The following GREB1 variants were observed in gnomAD, a reference collection of about 807,000 sequenced individuals.
GREB1 encodes protein GREB1.
In GREB1, 106 loss-of-function variants were observed where a neutral mutation model predicts 200.7. That is an observed-to-expected ratio of 0.53 (90% CI 0.45 to 0.62). GREB1 has a LOEUF of 0.62. GREB1 is among the 20% of genes least tolerant of loss of function. The pLI, the probability that GREB1 is intolerant of heterozygous loss-of-function variation, is 0.00. For synonymous variants in GREB1, 1,132 were observed against 1,092.4 expected (o/e 1.04, Z -0.72); for missense variants, 2,243 against 2,556.8 (o/e 0.88, Z 2.65).
In GREB1 at chr2:11,593,062, C is replaced by T. The variant is rs745605781; in HGVS notation, c.1632C>T (p.Thr544=). Residue 544 remains threonine (T), a synonymous_variant, in exon 11 of 33, where the codon ACC becomes ACT. Coordinates refer to ENST00000381486, the MANE Select transcript of GREB1 (RefSeq NM_014668.4). ...RLLVEGKLAK[T]NYVVIICACR... ...TGGTCGAGGGCAAGCTTGCCAAGACCAACTACGTGGTCATCATCTGCGCCT... is the reference window on the plus strand; with the variant it reads ...TGGTCGAGGGCAAGCTTGCCAAGACTAACTACGTGGTCATCATCTGCGCCT... 3 of 1,612,706 alleles carry T rather than the reference C, an allele frequency of 1.9e-6. No homozygotes were observed. In the Admixed American group the frequency reaches 5.0e-5, roughly 27 times the overall value.
At position 11,634,192 on chromosome 2, in the gene GREB1, G is replaced by GCC; in HGVS notation, c.5057_5058dup (p.Asp1687ProfsTer38). 9.9e-6 allele frequency: 16 copies of GCC among 1,614,216 alleles called. No homozygotes were observed. Among genetic ancestry groups the GCC allele is most frequent in the Non-Finnish European group, 1.4e-5 (16 of 1,180,018 alleles). ...GCACATCATGCAGCACATCGAGGCG[G>GCC]CCCCCGACATCATGCACTACGCCCT... On this transcript the variant is annotated frameshift_variant, in exon 29 of 33. Transcript: ENST00000381486. LOFTEE classifies it high-confidence loss of function.
chr2:11,547,482 C>T (rs974289878), intron 1 of GREB1, among the ~76,000 whole-genome samples: 1 of 152,178 alleles, frequency 6.6e-6, no homozygotes, highest in Non-Finnish European at 1.5e-5. Flanking sequence ...TATTGGTCTG[C>T]AGTCTACCAT....
chr2:11,506,215 A>G (rs1295525471), intron 1 of GREB1, among the ~76,000 whole-genome samples: 1 of 150,982 alleles, frequency 6.6e-6, no homozygotes, highest in Non-Finnish European at 1.5e-5. Flanking sequence ...AAATCATCTC[A>G]TGTGTTCTTG....
intron 1 of GREB1, among the ~76,000 whole-genome samples, chr2:11,486,510 A>AAT (rs376208759): frequency 2.7e-4 from 41 of 152,130 alleles, no homozygotes; most frequent in Non-Finnish European, 5.4e-4. Context: ...TCATAGAAGT[A>AAT]ATATATATTT....
chr2:11,538,746 TCTTTC>T (rs1396902359), intron 1 of GREB1, among the ~76,000 whole-genome samples: 2 of 94,966 alleles, frequency 2.1e-5, no homozygotes, highest in Non-Finnish European at 4.3e-5. Context: ...TTCCCTTCCT[TCTTTC>T]CTTCCTTTCT....
At chr2:11,512,786 AC>A (rs1673388203) in intron 1 of GREB1, among the ~76,000 whole-genome samples, 1 of 152,190 alleles carries the variant, frequency 6.6e-6, no homozygotes, top group Admixed American at 6.5e-5. Flanking sequence ...GTGCTCAGTG[AC>A]CCTTGTGGGA....
chr2:11,559,547 G>A (rs1338200848), intron 2 of GREB1, among the ~76,000 whole-genome samples: 2 of 152,208 alleles, frequency 1.3e-5, no homozygotes, highest in Non-Finnish European at 2.9e-5. Context: ...GGCTGCGACG[G>A]TGCGGGCCTT....
Position 11,602,450 on chromosome 2 carries a change from G to A in GREB1, c.2574G>A (p.Ser858=), listed in dbSNP as rs373376450. Residue 858 remains serine, a synonymous_variant, in exon 17 of 33, where the codon TCG becomes TCA. Transcript: ENST00000381486. ...AAAATAAGAAGTACTTCGGGCTGTC[G>A]GAGTTTATTGAATCCACCCTTTCAG... ...YHENKKYFGL[S]EFIESTLSGH... 7.4e-6 allele frequency: 12 copies of A among 1,612,596 alleles called. No individual in the cohort carries two copies. Among genetic ancestry groups the A allele is most frequent in the African/African-American group, 6.7e-5 (5 of 74,908 alleles).
chr2:11,575,919 C>A (rs565915026), intron 4 of GREB1, among the ~76,000 whole-genome samples: 2 of 152,364 alleles, frequency 1.3e-5, no homozygotes, highest in African/African-American at 4.8e-5. Flanking sequence ...CACGTTAAAT[C>A]TTCCAAGTTT....
chr2:11,520,294 C>T (rs989023792), intron 1 of GREB1, among the ~76,000 whole-genome samples: 4 of 152,250 alleles, frequency 2.6e-5, no homozygotes, highest in African/African-American at 9.6e-5. Context: ...TATCATAGAT[C>T]TATTGGCTTA....
intron 29 of GREB1, 83 bp downstream of exon 29, chr2:11,634,432 G>T (rs960326918): frequency 1.9e-6 from 2 of 1,079,582 alleles, no homozygotes; most frequent in Non-Finnish European, 2.8e-6. Context: ...GGCTGCAGAG[G>T]CGTCCTGGCT....
rs940651515 is a variant in GREB1, at chr2:11,492,202, A to G, written c.-159+9821A>G. ...ACCTAGCACTGGAGCATCGTCATGG[A>G]CACGCCAGGCCTGAGTGGGCTCTTC... On this transcript the variant is annotated intron_variant, in intron 1 of 2. Transcript: ENST00000628795. The surrounding 1 kb of genome is among the most constrained non-coding windows in gnomAD (Gnocchi z 4.0). Among the ~76,000 whole-genome samples the G allele has an allele frequency of 4.6e-5, 7 of 152,172 alleles. No individual in the cohort carries two copies. The South Asian group carries it at 1.0e-3, about 23-fold the overall frequency.
intron 17 of GREB1, among the ~76,000 whole-genome samples, chr2:11,603,419 T>C (rs1681961646): frequency 2.0e-5 from 3 of 152,206 alleles, no homozygotes; most frequent in South Asian, 2.1e-4. Context: ...TTTGGCTGGA[T>C]ACTAATAGCT....
intron 9 of GREB1, among the ~76,000 whole-genome samples, chr2:11,587,107 C>T (rs1168546802): frequency 6.6e-6 from 1 of 152,118 alleles, no homozygotes; most frequent in Admixed American, 6.5e-5. Context: ...AGAGACTGTC[C>T]TCTCGGTTCT....
At chr2:11,572,535 A>G (rs1424712686) in intron 4 of GREB1, among the ~76,000 whole-genome samples, 1 of 152,140 alleles carries the variant, frequency 6.6e-6, no homozygotes, top group Non-Finnish European at 1.5e-5. Context: ...CGATTTAGTC[A>G]TAGCCTTCCC....
At chr2:11,621,787 G>A (rs1303820495) in intron 23 of GREB1, among the ~76,000 whole-genome samples, 1 of 152,194 alleles carries the variant, frequency 6.6e-6, no homozygotes, top group East Asian at 1.9e-4. Context: ...AGAAAATTTG[G>A]AGCCAAGGAA....
chr2:11,512,059 G>A (rs1159046618), intron 1 of GREB1, among the ~76,000 whole-genome samples: 1 of 152,132 alleles, frequency 6.6e-6, no homozygotes, highest in African/African-American at 2.4e-5. Flanking sequence ...CAAGGCACTG[G>A]CAATGGAGTT....
chr2:11,630,438 C>T (rs189090897), intron 26 of GREB1, among the ~76,000 whole-genome samples: 1 of 152,268 alleles, frequency 6.6e-6, no homozygotes, highest in East Asian at 1.9e-4. Context: ...CTTCCGTGCC[C>T]GGAAGATAAC....
intron 2 of GREB1, among the ~76,000 whole-genome samples, chr2:11,558,149 G>A (rs1171054197): frequency 1.3e-5 from 2 of 152,228 alleles, no homozygotes; most frequent in East Asian, 3.8e-4. Flanking sequence ...CTTGCTGGAA[G>A]CTTGAGTGAC....
Sources: allele counts gnomAD v4.1 joint callset (sites outside exome capture counted in the v4.1 genomes callset), GRCh38; gene constraint gnomAD v4.1.1; non-coding constraint Gnocchi (gnomAD v3.1); transcripts MANE v1.5; gene names NCBI Gene and HGNC (gene_info 2026-07-23, HGNC 2026-07-21).